Variants in CAMK4 observed in about 807,000 individuals in gnomAD.
The protein encoded by CAMK4 is calcium/calmodulin dependent protein kinase IV.
In CAMK4, 22 loss-of-function variants were observed where a neutral mutation model predicts 44.9. That is an observed-to-expected ratio of 0.49 (90% confidence interval 0.35 to 0.70). The LOEUF is 0.70. Among genes scored for constraint, CAMK4 ranks in the 30% least tolerant of loss-of-function variants. CAMK4 has a pLI of 0.01. For synonymous variants in CAMK4, 218 were observed against 215.4 expected (o/e 1.01, Z -0.11); for missense variants, 498 against 586.8 (o/e 0.85, Z 1.56).
At chr5:111,274,961 A>C (rs1231500673) in intron 1 of CAMK4, among the ~76,000 whole-genome samples, 1 of 152,112 alleles carries the variant, frequency 6.6e-6, no homozygotes, top group Non-Finnish European at 1.5e-5. Context: ...TCCCCAGTAA[A>C]TATGATGGTT....
At chr5:111,309,896 G>C (rs1191181556) in intron 1 of CAMK4, among the ~76,000 whole-genome samples, 3 of 152,112 alleles carry the variant, frequency 2.0e-5, no homozygotes, top group Non-Finnish European at 4.4e-5. Context: ...AAGGGACATA[G>C]GCTAGGCTGA....
intron 2 of CAMK4, among the ~76,000 whole-genome samples, chr5:111,350,291 G>C (rs1005553649): frequency 6.6e-6 from 1 of 152,004 alleles, no homozygotes; most frequent in African/African-American, 2.4e-5. Context: ...TATTTCATAA[G>C]AGTACCAGTT....
chr5:111,315,598 T>A (rs76388212), intron 1 of CAMK4, among the ~76,000 whole-genome samples: 1 of 151,910 alleles, frequency 6.6e-6, no homozygotes, highest in Admixed American at 6.6e-5. Flanking sequence ...ATGATCTTCA[T>A]TTTTTTTGTA....
chr5:111,406,053 C>T (rs1213955482), intron 5 of CAMK4, among the ~76,000 whole-genome samples: 1 of 109,946 alleles, frequency 9.1e-6, no homozygotes, highest in Non-Finnish European at 1.8e-5. Context: ...TTTATTAACA[C>T]TTAGCATTAC....
intron 5 of CAMK4, among the ~76,000 whole-genome samples, chr5:111,430,486 T>C (rs1010359887): frequency 6.6e-6 from 1 of 152,170 alleles, no homozygotes; most frequent in Non-Finnish European, 1.5e-5. Flanking sequence ...GAGAAAGATA[T>C]AAAGCGTATC....
intron 1 of CAMK4, among the ~76,000 whole-genome samples, chr5:111,331,536 T>C (rs1319467987): frequency 6.6e-6 from 1 of 151,738 alleles, no homozygotes; most frequent in East Asian, 1.9e-4. Flanking sequence ...TTTACAGAAG[T>C]TAAACATTGA....
At chr5:111,414,205 C>T (rs2112901507) in intron 5 of CAMK4, among the ~76,000 whole-genome samples, 1 of 152,260 alleles carries the variant, frequency 6.6e-6, no homozygotes, top group Admixed American at 6.5e-5. Flanking sequence ...CCTGAAAACC[C>T]TTTGTTACTC....
In CAMK4 at chr5:111,487,963, G is replaced by A. The variant is rs1300824667; in HGVS notation, c.*3497G>A. On this transcript the variant is annotated 3_prime_UTR_variant, in exon 11 of 11. Transcript: ENST00000282356. ...GATTCCTAACATGACTTCAAAGAACGGGCATTACTAAATTATCTACTGACC... is the reference window on the plus strand; with the variant it reads ...GATTCCTAACATGACTTCAAAGAACAGGCATTACTAAATTATCTACTGACC... 1 of 152,116 alleles carries A rather than the reference G, an allele frequency of 6.6e-6. No homozygotes were observed. The highest frequency in any genetic ancestry group is 1.5e-5 in the Non-Finnish European group (1 of 68,022). 9.4% of individuals were successfully genotyped at this position (152,116 alleles called of 1,614,324 possible).
chr5:111,442,249 T>C (rs61148972), intron 5 of CAMK4, among the ~76,000 whole-genome samples: 3 of 151,982 alleles, frequency 2.0e-5, no homozygotes, highest in Admixed American at 6.6e-5. Context: ...ATCCCAGCAC[T>C]TGGGGAGGCC....
chr5:111,416,978 T>A (rs1752837449), intron 5 of CAMK4, among the ~76,000 whole-genome samples: 1 of 152,182 alleles, frequency 6.6e-6, no homozygotes, highest in Non-Finnish European at 1.5e-5. Context: ...AAAAGACTAG[T>A]CATGATGTTT....
intron 1 of CAMK4, chr5:111,283,079 C>G (rs919793168): frequency 5.3e-5 from 8 of 152,322 alleles, no homozygotes; most frequent in Admixed American, 4.6e-4. Flanking sequence ...ACAGTCTCTA[C>G]CTAAGGTGTA....
chr5:111,363,868 G>C (rs992417179), intron 2 of CAMK4, among the ~76,000 whole-genome samples: 12 of 152,182 alleles, frequency 7.9e-5, no homozygotes, highest in African/African-American at 2.6e-4. Context: ...TCCAACAAAG[G>C]CATTTAAGCT....
At chr5:111,404,885 G>A (rs1326407623) in intron 5 of CAMK4, among the ~76,000 whole-genome samples, 4 of 152,032 alleles carry the variant, frequency 2.6e-5, no homozygotes, top group Admixed American at 2.0e-4. Context: ...TAGTCTAGAT[G>A]ACTTTTGTTG....
chr5:111,279,732 A>G (rs1196027646), intron 1 of CAMK4, among the ~76,000 whole-genome samples: 3 of 151,880 alleles, frequency 2.0e-5, no homozygotes, highest in East Asian at 1.9e-4. Flanking sequence ...GTATGTGTGT[A>G]TGTGCCTGCT....
At chr5:111,367,784 T>A (rs993426034) in intron 2 of CAMK4, among the ~76,000 whole-genome samples, 1 of 152,140 alleles carries the variant, frequency 6.6e-6, no homozygotes, top group African/African-American at 2.4e-5. Context: ...AGGAAATTAC[T>A]GGGTAGGTGA....
At chr5:111,268,482 G>A (rs2112576594) in intron 1 of CAMK4, among the ~76,000 whole-genome samples, 1 of 152,302 alleles carries the variant, frequency 6.6e-6, no homozygotes, top group African/African-American at 2.4e-5. Flanking sequence ...TCCAGCCAAG[G>A]AATGATCCCC....
intron 7 of CAMK4, among the ~76,000 whole-genome samples, chr5:111,465,228 T>G (rs1224355620): frequency 1.3e-5 from 2 of 151,858 alleles, no homozygotes; most frequent in Non-Finnish European, 2.9e-5. Flanking sequence ...ATTCATAGCC[T>G]TAAATCCCTA....
chr5:111,397,452 A>C (rs1360778176), intron 5 of CAMK4, among the ~76,000 whole-genome samples: 3 of 152,160 alleles, frequency 2.0e-5, no homozygotes, highest in Admixed American at 1.3e-4. Flanking sequence ...AGTACAAAAA[A>C]CAAAAACAAT....
intron 1 of CAMK4, among the ~76,000 whole-genome samples, chr5:111,311,115 G>A (rs1042226546): frequency 1.3e-5 from 2 of 152,224 alleles, no homozygotes; most frequent in South Asian, 4.1e-4. Context: ...TTACCTGGGT[G>A]AAGGTAAAAT....
Sources: gnomAD v4.1 joint callset for allele counts (sites outside exome capture counted in the v4.1 genomes callset) on GRCh38, gnomAD v4.1.1 for gene constraint, MANE v1.5 for transcripts, NCBI Gene and HGNC (gene_info 2026-07-23, HGNC 2026-07-21) for gene names.